The following ATG7 variants were observed in gnomAD, a reference collection of about 807,000 sequenced individuals.
ATG7 encodes autophagy related 7, also known as ubiquitin-like modifier-activating enzyme ATG7.
In ATG7, 70 loss-of-function variants were observed where a neutral mutation model predicts 82.4. That is an observed-to-expected ratio of 0.85 (90% CI 0.70 to 1.04). The LOEUF (loss-of-function observed/expected upper bound fraction) is 1.04, where lower values mean the gene tolerates loss of function less well. ATG7 is among the 50% of genes least tolerant of loss of function. ATG7 has a pLI of 0.00. For missense variants in ATG7, 792 were observed against 864.3 expected (o/e 0.92, Z 1.05); for synonymous variants, 287 against 313.0 (o/e 0.92, Z 0.88).
chr3:11,360,502 T>C, intron 15 of ATG7, 79 bp from the exon 16 acceptor site: 2 of 1,420,264 alleles, frequency 1.4e-6, no homozygotes, highest in Non-Finnish European at 1.9e-6. Context: ...TTTTAAAAAG[T>C]TGAGCAAATA....
In ATG7 at chr3:11,348,043, G is replaced by C. The variant is rs951257136; in HGVS notation, c.1284+8G>C. 3 of 1,609,992 alleles carry C rather than the reference G, an allele frequency of 1.9e-6. No individual in the cohort carries two copies. Among genetic ancestry groups the C allele is most frequent in the Non-Finnish European group, 2.5e-6 (3 of 1,177,388 alleles). The stretch of plus-strand genomic sequence containing the variant: ...AAAATATTCCCCGGTGTGGTATGTT[G>C]TTGCTTTTGCAGAGGTTTTCTGTTA... On this transcript the variant is annotated splice_region_variant and intron_variant, in intron 14 of 20. Transcript: ENST00000693202.
rs1289135033 is a variant in ATG7 at position 11,557,522 on chromosome 3, C to T, written c.*2679C>T. The T allele has an allele frequency of 6.6e-6, 1 of 152,548 alleles. No homozygotes were observed. Among genetic ancestry groups the T allele is most frequent in the Non-Finnish European group, 1.5e-5 (1 of 68,030 alleles). 9.4% of individuals were successfully genotyped at this position (152,548 alleles called of 1,614,324 possible). The stretch of plus-strand genomic sequence containing the variant: ...CCCACACCGCAGCTGACCCACTGCT[C>T]ATCGCGAGGGCCTGCCAGGAGCTGG... On this transcript the variant is annotated 3_prime_UTR_variant, in exon 21 of 21. Coordinates refer to ENST00000693202, the MANE Select transcript of ATG7 (RefSeq NM_001349232.2).
chr3:11,409,236 T>A (rs1489008564), intron 19 of ATG7, among the ~76,000 whole-genome samples: 2 of 152,226 alleles, frequency 1.3e-5, no homozygotes, highest in Non-Finnish European at 2.9e-5. Context: ...GGTGTGAGAG[T>A]AATAGGCATT....
chr3:11,294,503 G>A (rs1189893501), intron 3 of ATG7, among the ~76,000 whole-genome samples: 3 of 152,206 alleles, frequency 2.0e-5, no homozygotes, highest in Admixed American at 6.5e-5. Flanking sequence ...GATTACAGGC[G>A]TGAGCCACTG....
chr3:11,272,943 T>C (rs1297441291), intron 1 of ATG7, among the ~76,000 whole-genome samples: 1 of 152,256 alleles, frequency 6.6e-6, no homozygotes, highest in Non-Finnish European at 1.5e-5. Flanking sequence ...TAGAAACTAA[T>C]GCACAATAAG....
chr3:11,552,886 T>C (rs570238228), intron 20 of ATG7, among the ~76,000 whole-genome samples: 4 of 152,288 alleles, frequency 2.6e-5, no homozygotes, highest in African/African-American at 9.6e-5. Context: ...AAAAACCCAG[T>C]AAAATGGATG....
chr3:11,499,345 T>G (rs1482154966), intron 20 of ATG7, among the ~76,000 whole-genome samples: 1 of 152,150 alleles, frequency 6.6e-6, no homozygotes, highest in Non-Finnish European at 1.5e-5. Context: ...AGATATGAGA[T>G]CATCAGAAGG....
chr3:11,379,181 T>G lies in ATG7; in HGVS notation c.1876-791T>G, dbSNP rs544406986. Among the ~76,000 whole-genome samples, 5 of 152,324 alleles carry G rather than the reference T, an allele frequency of 3.3e-5. No individual in the cohort carries two copies. In the East Asian group the frequency reaches 9.6e-4, roughly 29 times the overall value. Reference sequence around the variant, plus strand: ...AAAGGTCAAATAAATTAATTCATAATATTTGTGTTGTCTGGTTTATTATAA... The same window carrying G: ...AAAGGTCAAATAAATTAATTCATAAGATTTGTGTTGTCTGGTTTATTATAA... On this transcript the variant is annotated intron_variant, in intron 18 of 20. Transcript: ENST00000693202.
chr3:11,362,196 T>C (rs556540158), intron 16 of ATG7, among the ~76,000 whole-genome samples: 1 of 152,314 alleles, frequency 6.6e-6, no homozygotes, highest in Non-Finnish European at 1.5e-5. Context: ...CCTCTTAATT[T>C]GCCCAGAGTT....
chr3:11,561,545 C>T (rs143935202), downstream of ATG7, among the ~76,000 whole-genome samples: 64 of 152,326 alleles, frequency 4.2e-4, no homozygotes, highest in African/African-American at 1.4e-3. Flanking sequence ...CACCCCTCCT[C>T]CCCAGCTGGA....
intron 20 of ATG7, among the ~76,000 whole-genome samples, chr3:11,547,373 C>T (rs2071384912): frequency 6.6e-6 from 1 of 152,128 alleles, no homozygotes; most frequent in South Asian, 2.1e-4. Flanking sequence ...GTGGACAGAC[C>T]ACGTTTCATT....
chr3:11,366,218 CAAAAA>C (rs1296231136), intron 18 of ATG7, among the ~76,000 whole-genome samples: 1 of 60,646 alleles, frequency 1.6e-5, no homozygotes, highest in Non-Finnish European at 3.5e-5. Context: ...GACTCCATCT[CAAAAA>C]AAAAAAAAAA....
chr3:11,485,562 T>A (rs1339979843), intron 20 of ATG7, among the ~76,000 whole-genome samples: 6 of 152,268 alleles, frequency 3.9e-5, no homozygotes, highest in East Asian at 1.9e-4. Flanking sequence ...CCCATTTGTC[T>A]ATTTTGGCTT....
intron 3 of ATG7, 39 bp from the exon 4 acceptor site, chr3:11,298,647 A>G (rs771562873): frequency 1.3e-6 from 2 of 1,577,824 alleles, no homozygotes; most frequent in Admixed American, 1.8e-5. Flanking sequence ...TTTTGCATGG[A>G]TATGTTATTT....
chr3:11,287,697 A>C (rs1387659031), intron 3 of ATG7, among the ~76,000 whole-genome samples: 1 of 152,266 alleles, frequency 6.6e-6, no homozygotes, highest in African/African-American at 2.4e-5. Context: ...TGTTTTGAGT[A>C]GACTGTATTT....
chr3:11,400,346 C>G (rs2079715882), intron 19 of ATG7, among the ~76,000 whole-genome samples: 1 of 151,806 alleles, frequency 6.6e-6, no homozygotes, highest in Non-Finnish European at 1.5e-5. Flanking sequence ...TGCTGAGTAC[C>G]CAGATAATAG....
intron 20 of ATG7, among the ~76,000 whole-genome samples, chr3:11,538,532 T>C (rs1024945858): frequency 2.0e-5 from 3 of 151,672 alleles, no homozygotes; most frequent in African/African-American, 4.8e-5. Flanking sequence ...GAGACTCATA[T>C]TTGAATATGA....
chr3:11,335,789 C>T (rs1039310559), intron 11 of ATG7, among the ~76,000 whole-genome samples: 11 of 152,320 alleles, frequency 7.2e-5, no homozygotes, highest in Admixed American at 6.5e-4. Context: ...CCTCCGCCTC[C>T]TGGGTTCAAG....
intron 20 of ATG7, among the ~76,000 whole-genome samples, chr3:11,454,576 A>G (rs2085515863): frequency 6.6e-6 from 1 of 152,204 alleles, no homozygotes; most frequent in Admixed American, 6.5e-5. Flanking sequence ...GCCCAGAACC[A>G]GGCTTCCCTG....
Sources: gnomAD v4.1 joint callset for allele counts (sites outside exome capture counted in the v4.1 genomes callset) on GRCh38, gnomAD v4.1.1 for gene constraint, MANE v1.5 for transcripts, NCBI Gene and HGNC (gene_info 2026-07-23, HGNC 2026-07-21) for gene names.